Variants in FBXL5 observed in about 807,000 individuals in gnomAD.
FBXL5 encodes the protein F-box/LRR-repeat protein 5.
In FBXL5, 26 loss-of-function variants were observed where a neutral mutation model predicts 78.3. The observed-to-expected ratio is 0.33, with a 90% confidence interval of 0.24 to 0.46. FBXL5 has a LOEUF of 0.46. FBXL5 is among the 20% of genes least tolerant of loss of function. The pLI is 1.00. For synonymous variants in FBXL5, 295 were observed against 282.5 expected (o/e 1.04, Z -0.45); for missense variants, 710 against 829.2 (o/e 0.86, Z 1.77).
At position 15,623,520 on chromosome 4, in the gene FBXL5, G is replaced by A. The variant is rs532930037; in HGVS notation, c.1850+1732C>T. Among the ~76,000 whole-genome samples, 14 of 151,932 alleles carry A rather than the reference G, an allele frequency of 9.2e-5. No individual in the cohort carries two copies. The South Asian group carries it at 2.7e-3, about 29-fold the overall frequency. On this transcript the variant is annotated intron_variant, in intron 9 of 10. Coordinates refer to ENST00000341285, the MANE Select transcript of FBXL5 (RefSeq NM_012161.4). ...ATGACAGTAATAAAAAAATGACAATGAAAAATGAATTACGAGGTTTTAAAT... is the reference window on the plus strand; with the variant it reads ...ATGACAGTAATAAAAAAATGACAATAAAAAATGAATTACGAGGTTTTAAAT...
chr4:15,647,222 C>CAAA lies in FBXL5; in HGVS notation c.85-2517_85-2515dup, dbSNP rs112736448. ...TGGGCAACAAAGCAAGACTCCATCT[C>CAAA]AAAAAAAAAAAAAAAAAAAAAGAAA... On this transcript the variant is annotated intron_variant, in intron 1 of 10. Transcript: ENST00000341285. Among the ~76,000 whole-genome samples the CAAA allele has an allele frequency of 7.1e-3, 256 of 36,274 alleles. 2 individuals carry two copies. Among genetic ancestry groups the CAAA allele is most frequent in the East Asian group, 0.013 (20 of 1,562 alleles). The allele number at this position is 36,274 out of a possible 152,430, so 23.8% of individuals were successfully genotyped here.
chr4:15,635,261 AG>A (rs2148614882), intron 5 of FBXL5, among the ~76,000 whole-genome samples: 1 of 151,272 alleles, frequency 6.6e-6, no homozygotes, highest in East Asian at 2.0e-4. Flanking sequence ...TGAACCTGGG[AG>A]GTGGAGGTTG....
chr4:15,676,742 T>C (rs985102410), intron 1 of FBXL5, among the ~76,000 whole-genome samples: 16 of 152,154 alleles, frequency 1.1e-4, no homozygotes, highest in African/African-American at 3.9e-4. Context: ...TGTTGGGTTG[T>C]TGGGTTCATT....
chr4:15,644,455 C>A (rs886291039), intron 2 of FBXL5, 38 bp downstream of exon 2: 2 of 1,533,510 alleles, frequency 1.3e-6, no homozygotes, highest in African/African-American at 3.0e-5. Context: ...GAAGATGGCA[C>A]AAGTTTTGAC....
intron 1 of FBXL5, among the ~76,000 whole-genome samples, chr4:15,666,659 T>C (rs1247198383): frequency 6.6e-6 from 1 of 151,792 alleles, no homozygotes; most frequent in East Asian, 1.9e-4. Flanking sequence ...AGTGAGACCT[T>C]GTCTCTACTA....
chr4:15,661,883 T>C (rs1717328149), upstream of FBXL5, among the ~76,000 whole-genome samples: 1 of 152,228 alleles, frequency 6.6e-6, no homozygotes, highest in Non-Finnish European at 1.5e-5. Context: ...TTTCAGGTTC[T>C]CTCAGGTGGC....
At chr4:15,656,153 G>A, upstream of FBXL5, 3 of 455,942 alleles carry the variant, frequency 6.6e-6, no homozygotes, top group Admixed American at 7.0e-5. Context: ...ATAATGGAAG[G>A]TTGGTGCGGG....
At chr4:15,653,709 G>A (rs948871096) in intron 1 of FBXL5, among the ~76,000 whole-genome samples, 3 of 152,054 alleles carry the variant, frequency 2.0e-5, no homozygotes, top group Non-Finnish European at 4.4e-5. Flanking sequence ...AGCCAGAGAG[G>A]ATAAAAACAC....
intron 1 of FBXL5, among the ~76,000 whole-genome samples, chr4:15,652,416 A>G (rs2148715390): frequency 6.6e-6 from 1 of 152,320 alleles, no homozygotes; most frequent in South Asian, 2.1e-4. Context: ...GCTATAAAAC[A>G]GAAATACCTT....
intron 5 of FBXL5, among the ~76,000 whole-genome samples, chr4:15,633,255 C>T (rs1454790524): frequency 6.6e-6 from 1 of 152,160 alleles, no homozygotes; most frequent in Non-Finnish European, 1.5e-5. Flanking sequence ...TGCTATGTAT[C>T]TACTTTCTAT....
intron 1 of FBXL5, among the ~76,000 whole-genome samples, chr4:15,654,169 G>C (rs73241195): frequency 0.089 from 13,539 of 152,200 alleles, 758 homozygotes; most frequent in Non-Finnish European, 0.12. Flanking sequence ...TGTAGACAAT[G>C]GTTCTGCATA....
chr4:15,626,809 A>G (rs897112474), intron 8 of FBXL5, 64 bp downstream of exon 8: 20 of 1,170,486 alleles, frequency 1.7e-5, no homozygotes, highest in Non-Finnish European at 2.4e-5. Flanking sequence ...TTAAACTGCA[A>G]TTACATAAAT....
intron 9 of FBXL5, among the ~76,000 whole-genome samples, chr4:15,614,951 C>G (rs1417707549): frequency 6.6e-6 from 1 of 152,140 alleles, no homozygotes; most frequent in Non-Finnish European, 1.5e-5. Flanking sequence ...GCGTGCGGCG[C>G]TTGCGGGCCA....
intron 1 of FBXL5, 150 bp downstream of exon 1, chr4:15,655,054 G>A (rs929541125): frequency 1.9e-5 from 8 of 428,250 alleles, no homozygotes; most frequent in South Asian, 2.1e-4. Context: ...GGCTGCGGGA[G>A]CGGGCGGCGC....
chr4:15,670,131 G>A (rs975833454), intron 1 of FBXL5, among the ~76,000 whole-genome samples: 7 of 152,198 alleles, frequency 4.6e-5, no homozygotes, highest in African/African-American at 1.7e-4. Flanking sequence ...CTGCTAAGTA[G>A]TATTCTCATA....
At chr4:15,617,687 C>T (rs538117649) in intron 9 of FBXL5, among the ~76,000 whole-genome samples, 18 of 152,258 alleles carry the variant, frequency 1.2e-4, no homozygotes, top group African/African-American at 4.3e-4. Context: ...GTAAACCATC[C>T]TTAGCAAACT....
intron 9 of FBXL5, among the ~76,000 whole-genome samples, chr4:15,620,310 C>G (rs774966726): frequency 9.9e-5 from 15 of 151,882 alleles, no homozygotes; most frequent in Non-Finnish European, 1.8e-4. Flanking sequence ...GAAAGATATC[C>G]CACATTCATG....
intron 1 of FBXL5, among the ~76,000 whole-genome samples, chr4:15,665,561 A>T (rs1053990613): frequency 6.6e-6 from 1 of 152,136 alleles, no homozygotes; most frequent in East Asian, 1.9e-4. Context: ...TTCAAATATA[A>T]CCCAAGTTTA....
intron 3 of FBXL5, 85 bp downstream of exon 3, chr4:15,640,703 A>G: frequency 1.5e-6 from 1 of 656,050 alleles, no homozygotes; most frequent in East Asian, 3.0e-5. Context: ...ACATCTTCCT[A>G]TGCATTATTT....
Sources: allele counts gnomAD v4.1 joint callset (sites outside exome capture counted in the v4.1 genomes callset), GRCh38; gene constraint gnomAD v4.1.1; transcripts MANE v1.5; gene names NCBI Gene and HGNC (gene_info 2026-07-23, HGNC 2026-07-21).